SERTAD2: variants seen among roughly 807,000 people sequenced by gnomAD.
The protein encoded by SERTAD2 is SERTA domain-containing protein 2.
SERTAD2 carries 2 observed loss-of-function variants against 15.4 expected under a neutral mutation model. That is an observed-to-expected ratio of 0.13 (90% CI 0.05 to 0.41). The LOEUF (loss-of-function observed/expected upper bound fraction) is 0.41. SERTAD2 is among the 10% of genes least tolerant of loss of function. The pLI is 0.99. For synonymous variants in SERTAD2, 180 were observed against 178.0 expected (o/e 1.01, Z -0.09); for missense variants, 333 against 409.7 (o/e 0.81, Z 1.62).
intron 1 of SERTAD2, among the ~76,000 whole-genome samples, chr2:64,641,818 C>G (rs1011081763): frequency 2.6e-5 from 4 of 152,180 alleles, no homozygotes. Context: ...CTGAGAAGCT[C>G]TTCTGTGAGC....
chr2:64,633,861 A>G lies in SERTAD2; in HGVS notation c.*2066T>C, dbSNP rs1483880827. On this transcript the variant is annotated 3_prime_UTR_variant, in exon 2 of 2. Coordinates refer to ENST00000313349, the MANE Select transcript of SERTAD2 (RefSeq NM_014755.3). ...CTTTAAAACACATTCAAGTGGGGGGAAAAAGTAAATTAGAATGTAGAAAGC... is the reference window on the plus strand; with the variant it reads ...CTTTAAAACACATTCAAGTGGGGGGGAAAAGTAAATTAGAATGTAGAAAGC... 7.2e-5 allele frequency: 11 copies of G among 152,530 alleles called. No individual in the cohort carries two copies. The highest frequency in any genetic ancestry group is 2.6e-4 in the African/African-American group (11 of 41,560). The allele number at this position is 152,530 out of a possible 1,614,324, so 9.4% of individuals were successfully genotyped here.
At position 64,636,076 on chromosome 2, in the gene SERTAD2, C is replaced by G; in HGVS notation, c.796G>C (p.Gly266Arg). The change falls in exon 2 of 2, where the codon GGG (glycine) becomes CGG (arginine). Residue 266 changes from glycine to arginine, a missense_variant. Coordinates refer to ENST00000313349, the MANE Select transcript of SERTAD2 (RefSeq NM_014755.3). ...ACAGGGGCCATTTTTGAGGCTGTCC[C>G]TGATGAGGAAGTGCAGGGGTCAAAA... Reference protein sequence around the residue: ...YDFDPCTSSSGTASKMAPVSA... With the variant: ...YDFDPCTSSSRTASKMAPVSA... The G allele has an allele frequency of 1.2e-6, 2 of 1,614,126 alleles. No individual in the cohort carries two copies. The highest frequency in any genetic ancestry group is 1.7e-6 in the Non-Finnish European group (2 of 1,180,018).
chr2:64,633,264 T>G lies in SERTAD2; in HGVS notation c.*2663A>C, dbSNP rs993656770. 2 of 152,220 alleles carry G rather than the reference T, an allele frequency of 1.3e-5. No homozygotes were observed. Among genetic ancestry groups the G allele is most frequent in the Non-Finnish European group, 2.9e-5 (2 of 68,044 alleles). 9.4% of individuals were successfully genotyped at this position (152,220 alleles called of 1,614,324 possible). A position where few individuals can be genotyped will look rare whatever the true frequency, so the allele number is the denominator to read the frequency against. On this transcript the variant is annotated 3_prime_UTR_variant, in exon 2 of 2. Transcript: ENST00000313349. ...GAGTATCAGGGATTTATGGCAACGG[T>G]GTCAGAGTTAAAAAGCATTTGCCTG...
rs966569287 is a variant in SERTAD2, at chr2:64,633,604, C to T, written c.*2323G>A. 1.3e-5 allele frequency: 2 copies of T among 152,206 alleles called. No homozygotes were observed. The highest frequency in any genetic ancestry group is 2.9e-5 in the Non-Finnish European group (2 of 68,038). 9.4% of individuals were successfully genotyped at this position (152,206 alleles called of 1,614,324 possible). Reference sequence around the variant, plus strand: ...TGCCAGGTCCTCCAGTTATAGAAAGCATGGAATCTGGGCAGACTTGTTCTC... The same window carrying T: ...TGCCAGGTCCTCCAGTTATAGAAAGTATGGAATCTGGGCAGACTTGTTCTC... On this transcript the variant is annotated 3_prime_UTR_variant, in exon 2 of 2. Coordinates refer to ENST00000313349, the MANE Select transcript of SERTAD2 (RefSeq NM_014755.3).
At chr2:64,637,590 C>A (rs915650904) in intron 1 of SERTAD2, among the ~76,000 whole-genome samples, 2 of 152,212 alleles carry the variant, frequency 1.3e-5, no homozygotes, top group Non-Finnish European at 2.9e-5. Context: ...TTCATCCACA[C>A]ACAGTTATGT....
Position 64,631,794 on chromosome 2 carries a change from A to G in SERTAD2, c.*4133T>C, listed in dbSNP as rs1674539442. 6.6e-6 allele frequency: 1 copy of G among 152,670 alleles called. No homozygotes were observed. Among genetic ancestry groups the G allele is most frequent in the Non-Finnish European group, 1.5e-5 (1 of 68,050 alleles). 9.5% of individuals were successfully genotyped at this position (152,670 alleles called of 1,614,324 possible). A position where few individuals can be genotyped will look rare whatever the true frequency, so the allele number is the denominator to read the frequency against. ...ATTGCATAGAAAAGGCACAGCTCTC[A>G]GGTCTGTGGGGGAAAGGTTATACCT... On this transcript the variant is annotated 3_prime_UTR_variant, in exon 2 of 2. Transcript: ENST00000313349.
In SERTAD2 at chr2:64,636,054, G is replaced by A. The variant is rs1674649121; in HGVS notation, c.818C>T (p.Pro273Leu). ...SSSGTASKMA[P>L]VSADDLLKTL... ...TTTGAGGAGGTCGTCGGCAGACACA[G>A]GGGCCATTTTTGAGGCTGTCCCTGA... is the stretch of plus-strand genomic sequence containing the variant. Residue 273 changes from proline (P) to leucine (L), a missense_variant, in exon 2 of 2, where the codon CCT becomes CTT. Physicochemically the swap from Pro to Leu is moderately conservative, Grantham distance 98. Coordinates refer to ENST00000313349, the MANE Select transcript of SERTAD2 (RefSeq NM_014755.3). The A allele has an allele frequency of 6.2e-7, 1 of 1,614,134 alleles. No homozygotes were observed. Among genetic ancestry groups the A allele is most frequent in the African/African-American group, 1.3e-5 (1 of 75,024 alleles).
chr2:64,642,508 C>A (rs183343044), intron 1 of SERTAD2, among the ~76,000 whole-genome samples: 1 of 148,338 alleles, frequency 6.7e-6, no homozygotes, highest in Non-Finnish European at 1.5e-5. Flanking sequence ...TTTTAAAAAT[C>A]TTTTTTTTTT....
chr2:64,649,416 G>T (rs1182651133), intron 1 of SERTAD2, among the ~76,000 whole-genome samples: 1 of 152,140 alleles, frequency 6.6e-6, no homozygotes, highest in African/African-American at 2.4e-5. Flanking sequence ...TTCTTCAACA[G>T]GTTCACTCAG....
chr2:64,643,703 C>A (rs1268170687), intron 1 of SERTAD2, among the ~76,000 whole-genome samples: 2 of 152,154 alleles, frequency 1.3e-5, no homozygotes, highest in Non-Finnish European at 2.9e-5. Context: ...CCCATCTCTA[C>A]TAAAAATACA....
intron 1 of SERTAD2, among the ~76,000 whole-genome samples, chr2:64,651,327 T>C (rs868120306): frequency 1.3e-5 from 2 of 152,224 alleles, no homozygotes; most frequent in African/African-American, 2.4e-5. Context: ...TGGACACTGA[T>C]AATAAAAGTA....
At chr2:64,639,128 A>T (rs1342043763) in intron 1 of SERTAD2, among the ~76,000 whole-genome samples, 2 of 152,262 alleles carry the variant, frequency 1.3e-5, no homozygotes, top group Non-Finnish European at 2.9e-5. Context: ...GTTATGTTAT[A>T]ATGTGATCAT....
intron 1 of SERTAD2, among the ~76,000 whole-genome samples, chr2:64,652,750 T>C (rs1039099439): frequency 6.6e-6 from 1 of 152,122 alleles, no homozygotes; most frequent in African/African-American, 2.4e-5. Context: ...AAAAAGTTAT[T>C]CCAATGCAAA....
chr2:64,634,750 T>C lies in SERTAD2; in HGVS notation c.*1177A>G, dbSNP rs185358656. 6.6e-6 allele frequency: 1 copy of C among 152,170 alleles called. No individual in the cohort carries two copies. The highest frequency in any genetic ancestry group is 6.5e-5 in the Admixed American group (1 of 15,270). 9.4% of individuals were successfully genotyped at this position (152,170 alleles called of 1,614,324 possible). On this transcript the variant is annotated 3_prime_UTR_variant, in exon 2 of 2. Transcript: ENST00000313349. ...AACAGGGCTGAGTTCCATGAAGAAG[T>C]TGGTTGCTTTTCGGATGTAAAATTT... is the stretch of plus-strand genomic sequence containing the variant.
chr2:64,652,198 T>C (rs539419268), intron 1 of SERTAD2, among the ~76,000 whole-genome samples: 2 of 152,238 alleles, frequency 1.3e-5, no homozygotes, highest in African/African-American at 4.8e-5. Flanking sequence ...ACTCCAGAAG[T>C]TGGGATCTTA....
intron 1 of SERTAD2, among the ~76,000 whole-genome samples, chr2:64,645,461 A>G (rs1044640132): frequency 6.6e-6 from 1 of 152,226 alleles, no homozygotes; most frequent in Non-Finnish European, 1.5e-5. Flanking sequence ...TTAAGAAACA[A>G]CTTTTACTGT....
rs1217153486 is a variant in SERTAD2 at position 64,631,993 on chromosome 2, G to A, written c.*3934C>T. On this transcript the variant is annotated 3_prime_UTR_variant, in exon 2 of 2. Transcript: ENST00000313349. ...TTTGTCTGCAATAGCATTTGATCCT[G>A]GCTAATTTTCAAGAACCATTCAGAC... The A allele has an allele frequency of 6.6e-6, 1 of 152,516 alleles. No individual in the cohort carries two copies. The highest frequency in any genetic ancestry group is 2.4e-5 in the African/African-American group (1 of 41,410). The allele number at this position is 152,516 out of a possible 1,614,324, so 9.4% of individuals were successfully genotyped here.
At chr2:64,642,475 TCAACTATTTA>T (rs1252825878) in intron 1 of SERTAD2, among the ~76,000 whole-genome samples, 1 of 152,236 alleles carries the variant, frequency 6.6e-6, no homozygotes, top group African/African-American at 2.4e-5. Context: ...TCAAGGTTTT[TCAACTATTTA>T]AAAGCTACAT....
chr2:64,644,275 A>T (rs2104347461), intron 1 of SERTAD2, among the ~76,000 whole-genome samples: 1 of 152,366 alleles, frequency 6.6e-6, no homozygotes, highest in South Asian at 2.1e-4. Flanking sequence ...TGAGCCGAAA[A>T]GAGGCTCAAA....
Sources: gnomAD v4.1 joint callset for allele counts (sites outside exome capture counted in the v4.1 genomes callset) on GRCh38, gnomAD v4.1.1 for gene constraint, MANE v1.5 for transcripts, NCBI Gene and HGNC (gene_info 2026-07-23, HGNC 2026-07-21) for gene names.